Variants in CFAP58 observed in about 807,000 individuals in gnomAD.
CFAP58 encodes the protein cilia and flagella associated protein 58, also known as cilia- and flagella-associated protein 58.
Under a neutral mutation model 119.5 loss-of-function variants are expected in CFAP58, and 88 were observed. That is an observed-to-expected ratio of 0.74 (90% confidence interval 0.62 to 0.88). CFAP58 has a LOEUF of 0.88. CFAP58 is among the 40% of genes least tolerant of loss of function. CFAP58 has a pLI of 0.00. For missense variants in CFAP58, 990 were observed against 1,021.2 expected (o/e 0.97, Z 0.42); for synonymous variants, 365 against 366.3 (o/e 1.00, Z 0.04).
chr10:104,448,163 AT>A (rs1256879737), intron 16 of CFAP58, among the ~76,000 whole-genome samples: 1 of 152,220 alleles, frequency 6.6e-6, no homozygotes, highest in Non-Finnish European at 1.5e-5. Flanking sequence ...CAAAGGAAAT[AT>A]TTTAACACCA....
At position 104,380,335 on chromosome 10, in the gene CFAP58, G is replaced by T. The variant is rs748484342; in HGVS notation, c.1365+115G>T. 1.4e-4 allele frequency: 146 copies of T among 1,057,120 alleles called. No homozygotes were observed. The Middle Eastern group carries it at 5.1e-3, about 37-fold the overall frequency. The allele number at this position is 1,057,120 out of a possible 1,614,324, so 65.5% of individuals were successfully genotyped here. A position where few individuals can be genotyped will look rare whatever the true frequency, so the allele number is the denominator to read the frequency against. On this transcript the variant is annotated intron_variant, in intron 9 of 17. Transcript: ENST00000369704. ...ATTCAGATTTCTGTTTGTAATTTGT[G>T]TGAAGATTTGGGAGGAACGATGTGG...
chr10:104,451,375 T>C (rs749329927), intron 17 of CFAP58, among the ~76,000 whole-genome samples: 2 of 152,206 alleles, frequency 1.3e-5, no homozygotes, highest in African/African-American at 2.4e-5. Context: ...TAGAGTAAAA[T>C]ACTGCTATAA....
rs772121662 is a variant in CFAP58, at chr10:104,454,413, C to T, written c.2511-9C>T. 3.9e-5 allele frequency: 62 copies of T among 1,606,770 alleles called. No homozygotes were observed. Among genetic ancestry groups the T allele is most frequent in the Non-Finnish European group, 1.5e-5 (18 of 1,173,610 alleles). On this transcript the variant is annotated splice_polypyrimidine_tract_variant and intron_variant, in intron 17 of 17. Coordinates refer to ENST00000369704, the MANE Select transcript of CFAP58 (RefSeq NM_001008723.2). ...TTAAGGAAGCTAACTTTCACCTCCT[C>T]TCTTACAGAAACAAGGACACAGCAC...
intron 9 of CFAP58, among the ~76,000 whole-genome samples, chr10:104,388,690 G>A (rs1358969429): frequency 6.6e-6 from 1 of 152,146 alleles, no homozygotes; most frequent in Non-Finnish European, 1.5e-5. Flanking sequence ...ACATTAAGGG[G>A]TTCCAAATGC....
chr10:104,353,386 T>C (rs1464761669), upstream of CFAP58: 1 of 156,002 alleles, frequency 6.4e-6, no homozygotes, highest in Non-Finnish European at 1.4e-5. Flanking sequence ...AGTGAGATTA[T>C]TCCTCGTTGT....
In CFAP58 at chr10:104,438,362, TTTTTTTTTTTTG is replaced by T. The variant is rs1171091328; in HGVS notation, c.2257-9324_2257-9313del. 6.7e-3 allele frequency among the ~76,000 whole-genome samples: 498 copies of T among 74,670 alleles called. 16 individuals are homozygous for T. Among genetic ancestry groups the T allele is most frequent in the African/African-American group, 0.021 (423 of 19,862 alleles). 49.0% of individuals were successfully genotyped at this position (74,670 alleles called of 152,430 possible). ...TTTTGTTTTTTGTTTTTTTTTTTTG[TTTTTTTTTTTTG>T]TTTTTTTTTTTTGAGACGGAGTCTC... On this transcript the variant is annotated intron_variant, in intron 15 of 17. Transcript: ENST00000369704.
At chr10:104,345,199 T>C in the CFAP58 span, among the ~76,000 whole-genome samples, 1 of 152,154 alleles carries the variant, frequency 6.6e-6, no homozygotes, top group African/African-American at 2.4e-5. Context: ...GATTTCATTT[T>C]ATAGATGCCT....
intron 15 of CFAP58, among the ~76,000 whole-genome samples, chr10:104,419,884 A>G (rs2012627342): frequency 6.6e-6 from 1 of 152,234 alleles, no homozygotes; most frequent in Admixed American, 6.5e-5. Flanking sequence ...AGAAGTTGGC[A>G]AGACTATGAT....
At chr10:104,359,970 GT>G (rs2014644467) in intron 2 of CFAP58, among the ~76,000 whole-genome samples, 1 of 152,118 alleles carries the variant, frequency 6.6e-6, no homozygotes. Flanking sequence ...AGCACATATG[GT>G]TGCTACATAA....
chr10:104,428,834 G>T (rs1475539479), intron 15 of CFAP58, among the ~76,000 whole-genome samples: 1 of 152,202 alleles, frequency 6.6e-6, no homozygotes, highest in Non-Finnish European at 1.5e-5. Flanking sequence ...TTGCGATGGA[G>T]GTTGGGGTCA....
At chr10:104,339,778 G>A in the CFAP58 span, among the ~76,000 whole-genome samples, 1 of 152,188 alleles carries the variant, frequency 6.6e-6, no homozygotes, top group Non-Finnish European at 1.5e-5. Context: ...GCAGAATTTT[G>A]GGGGCCAGTA....
intron 15 of CFAP58, among the ~76,000 whole-genome samples, chr10:104,440,590 T>A (rs752445831): frequency 6.6e-6 from 1 of 152,216 alleles, no homozygotes; most frequent in Non-Finnish European, 1.5e-5. Context: ...TGAGGAGTTA[T>A]GTCTGTTATG....
the CFAP58 span, among the ~76,000 whole-genome samples, chr10:104,344,888 C>G: frequency 6.6e-6 from 1 of 152,088 alleles, no homozygotes; most frequent in Non-Finnish European, 1.5e-5. Context: ...TGGCTCACGC[C>G]TGTAATCCCA....
chr10:104,426,538 A>G (rs979953180), intron 15 of CFAP58, among the ~76,000 whole-genome samples: 1 of 152,058 alleles, frequency 6.6e-6, no homozygotes, highest in Non-Finnish European at 1.5e-5. Context: ...GGCTGAAAAC[A>G]AAACAAAACA....
chr10:104,343,797 C>T, the CFAP58 span, among the ~76,000 whole-genome samples: 287 of 152,262 alleles, frequency 1.9e-3, no homozygotes, highest in African/African-American at 6.4e-3. Context: ...GTTGCTCAGG[C>T]GGGAGTGACG....
At position 104,392,351 on chromosome 10, in the gene CFAP58, G is replaced by T. The variant is rs2012063847; in HGVS notation, c.1484G>T (p.Arg495Ile). Residue 495 changes from arginine to isoleucine, a missense_variant, in exon 10 of 18, where the codon AGA (arginine) becomes ATA (isoleucine). Arg to Ile is a moderately conservative substitution (Grantham distance 97, BLOSUM62 -3). Coordinates refer to ENST00000369704, the MANE Select transcript of CFAP58 (RefSeq NM_001008723.2). ...KQQQNLYEAVRSDRNLYSKNL... is the reference protein window; with the variant it reads ...KQQQNLYEAVISDRNLYSKNL... ...CAACAGAACCTATATGAAGCTGTGA[G>T]ATCAGACAGAAATCTGTATAGCAAA... The T allele has an allele frequency of 6.2e-7, 1 of 1,609,446 alleles. No individual in the cohort carries two copies.
Position 104,368,575 on chromosome 10 carries a change from A to G in CFAP58, c.930+15A>G. 1 of 1,613,534 alleles carries G rather than the reference A, an allele frequency of 6.2e-7. No homozygotes were observed. ...TGGAGCTCAAAGTAAACACCAAGTT[A>G]CATGTCTGTTCCCTAGCTCTTTCTT... On this transcript the variant is annotated intron_variant, in intron 6 of 17. Transcript: ENST00000369704.
At chr10:104,399,870 C>T (rs1228044304) in intron 12 of CFAP58, among the ~76,000 whole-genome samples, 1 of 152,004 alleles carries the variant, frequency 6.6e-6, no homozygotes. Flanking sequence ...TCCCTCAAAC[C>T]TTATCACGAT....
intron 17 of CFAP58, among the ~76,000 whole-genome samples, chr10:104,453,844 G>C (rs2013234645): frequency 6.6e-6 from 1 of 151,288 alleles, no homozygotes; most frequent in South Asian, 2.1e-4. Flanking sequence ...TTTTAGGGCA[G>C]AATTCCCTCA....
Sources: gnomAD v4.1 joint callset for allele counts (sites outside exome capture counted in the v4.1 genomes callset) on GRCh38, gnomAD v4.1.1 for gene constraint, MANE v1.5 for transcripts, NCBI Gene and HGNC (gene_info 2026-07-23, HGNC 2026-07-21) for gene names.